PDZD2: variants seen among roughly 807,000 people sequenced by gnomAD.
PDZD2 encodes PDZ domain-containing protein 2.
Under a neutral mutation model 220.7 loss-of-function variants are expected in PDZD2, and 90 were observed. The ratio of observed to expected loss-of-function variants is 0.41; its 90% CI spans 0.34 to 0.49. PDZD2 has a LOEUF of 0.49. Ranked by LOEUF, PDZD2 falls within the 20% of genes least tolerant of loss-of-function variation. The probability of loss-of-function intolerance (pLI) is 0.28; values close to 1 mark genes in which losing one functional copy is unlikely to be tolerated. For synonymous variants in PDZD2, 1,375 were observed against 1,450.5 expected, an observed-to-expected ratio of 0.95 and a Z score of 1.18; for missense variants, 3,174 against 3,608.5, an observed-to-expected ratio of 0.88 and a Z score of 3.08.
chr5:31,980,952 A>C (rs1750246870), intron 2 of PDZD2, among the ~76,000 whole-genome samples: 1 of 152,102 alleles, frequency 6.6e-6, no homozygotes, highest in Admixed American at 6.6e-5. Flanking sequence ...CCTGTGGTTA[A>C]CTTTTGTATT....
intron 2 of PDZD2, among the ~76,000 whole-genome samples, chr5:31,918,972 C>T (rs1743925342): frequency 1.3e-5 from 2 of 152,218 alleles, no homozygotes; most frequent in African/African-American, 2.4e-5. Flanking sequence ...TCTTTCACCA[C>T]GGCTGTGCAC....
At chr5:31,906,557 T>C (rs1056199002) in intron 2 of PDZD2, among the ~76,000 whole-genome samples, 3 of 152,028 alleles carry the variant, frequency 2.0e-5, no homozygotes, top group Non-Finnish European at 4.4e-5. Flanking sequence ...AAGAGACTAT[T>C]TATAGCCGGG....
chr5:31,942,848 T>C (rs1442278926), intron 2 of PDZD2, among the ~76,000 whole-genome samples: 1 of 152,148 alleles, frequency 6.6e-6, no homozygotes, highest in Non-Finnish European at 1.5e-5. Context: ...GCACTTGGGT[T>C]GATGTGAGGG....
chr5:31,926,226 A>C (rs1283558025), intron 2 of PDZD2, among the ~76,000 whole-genome samples: 7 of 151,684 alleles, frequency 4.6e-5, no homozygotes, highest in African/African-American at 1.5e-4. Flanking sequence ...TCACTTAAAA[A>C]AAAAAAAAAA....
chr5:31,702,936 T>C (rs770145967), intron 1 of PDZD2, among the ~76,000 whole-genome samples: 30 of 152,228 alleles, frequency 2.0e-4, no homozygotes, highest in Admixed American at 3.9e-4. Flanking sequence ...ATGAATTCCA[T>C]CTTCAGTCTG....
chr5:32,061,033 G>C lies in PDZD2; in HGVS notation c.2350G>C (p.Val784Leu), dbSNP rs777929856. 2 of 1,614,160 alleles carry C rather than the reference G, an allele frequency of 1.2e-6. No homozygotes were observed. Among genetic ancestry groups the C allele is most frequent in the Non-Finnish European group, 1.7e-6 (2 of 1,179,992 alleles). ...GGATCAAATCCTGGAAGTGAACTCC[G>C]TCAACGTCCGCCATGCTGCTTTAAG... ...RGDQILEVNS[V>L]NVRHAALSKV... Residue 784 changes from valine (V) to leucine (L), a missense_variant, in exon 14 of 25, where the codon GTC becomes CTC. This residue lies in a region of PDZD2 where 1,861 missense variants were observed against 2,001.0 expected (regional missense o/e 0.93). Transcript: ENST00000438447.
At chr5:31,733,060 A>C (rs1749631454) in intron 1 of PDZD2, among the ~76,000 whole-genome samples, 1 of 152,134 alleles carries the variant, frequency 6.6e-6, no homozygotes, top group African/African-American at 2.4e-5. Flanking sequence ...CTTTTTATTG[A>C]ATTATAATAT....
At chr5:31,715,187 C>G (rs545082855) in intron 1 of PDZD2, among the ~76,000 whole-genome samples, 1 of 152,100 alleles carries the variant, frequency 6.6e-6, no homozygotes, top group Non-Finnish European at 1.5e-5. Flanking sequence ...TATCTGATTT[C>G]TGTCTGTTCC....
intron 21 of PDZD2, among the ~76,000 whole-genome samples, chr5:32,093,654 G>GT (rs1352855130): frequency 3.3e-5 from 5 of 152,122 alleles, no homozygotes; most frequent in Non-Finnish European, 4.4e-5. Context: ...TTACAACAAC[G>GT]TAAGTTAGAG....
At chr5:31,870,049 T>A (rs1738639581) in intron 2 of PDZD2, among the ~76,000 whole-genome samples, 1 of 152,184 alleles carries the variant, frequency 6.6e-6, no homozygotes, top group African/African-American at 2.4e-5. Context: ...CCAGCTGACC[T>A]CATCATGTTG....
At chr5:32,055,670 G>C (rs897128905) in intron 10 of PDZD2, among the ~76,000 whole-genome samples, 5 of 152,112 alleles carry the variant, frequency 3.3e-5, no homozygotes, top group Admixed American at 6.6e-5. Flanking sequence ...TGTTATACGG[G>C]TTCTTTTTTT....
chr5:31,655,953 T>C (rs894991246), intron 1 of PDZD2, among the ~76,000 whole-genome samples: 1 of 152,252 alleles, frequency 6.6e-6, no homozygotes, highest in Non-Finnish European at 1.5e-5. Flanking sequence ...TTGTGTGTGA[T>C]AGCATATTAG....
intron 2 of PDZD2, among the ~76,000 whole-genome samples, chr5:31,965,473 G>C (rs1180961842): frequency 6.6e-6 from 1 of 152,228 alleles, no homozygotes; most frequent in Non-Finnish European, 1.5e-5. Flanking sequence ...GCAAGGGCAA[G>C]AAGACAACAG....
intron 2 of PDZD2, chr5:31,840,654 T>C: frequency 1.4e-6 from 1 of 727,490 alleles, no homozygotes; most frequent in Non-Finnish European, 2.5e-6. Flanking sequence ...CCTCACGCGT[T>C]TCAGGAAGCT....
chr5:32,069,860 G>C (rs1740594912), intron 15 of PDZD2, among the ~76,000 whole-genome samples: 1 of 152,182 alleles, frequency 6.6e-6, no homozygotes. Context: ...AATCATGCAT[G>C]CTTCTTATAG....
At chr5:31,785,835 A>G (rs1580752073) in intron 1 of PDZD2, among the ~76,000 whole-genome samples, 1 of 152,032 alleles carries the variant, frequency 6.6e-6, no homozygotes, top group East Asian at 1.9e-4. Flanking sequence ...CCTCGCCCCA[A>G]GGTTCGGTGG....
intron 1 of PDZD2, among the ~76,000 whole-genome samples, chr5:31,684,193 A>T (rs540407380): frequency 2.6e-5 from 4 of 152,314 alleles, no homozygotes; most frequent in Non-Finnish European, 2.9e-5. Context: ...GCCTACTGAC[A>T]GTCCTACTTG....
At chr5:31,814,529 G>A (rs995354215) in intron 2 of PDZD2, among the ~76,000 whole-genome samples, 1 of 152,126 alleles carries the variant, frequency 6.6e-6, no homozygotes, top group African/African-American at 2.4e-5. Flanking sequence ...ATTATCTAAA[G>A]ACATGGAATT....
At chr5:31,876,873 C>A (rs1312677095) in intron 2 of PDZD2, among the ~76,000 whole-genome samples, 1 of 152,198 alleles carries the variant, frequency 6.6e-6, no homozygotes, top group African/African-American at 2.4e-5. Flanking sequence ...GCCTCAAATT[C>A]ACTCCTTAAA....
Sources: gnomAD v4.1 joint callset for allele counts (sites outside exome capture counted in the v4.1 genomes callset) on GRCh38, gnomAD v4.1.1 for gene constraint, gnomAD v4.1.1 regional missense constraint, MANE v1.5 for transcripts, NCBI Gene and HGNC (gene_info 2026-07-23, HGNC 2026-07-21) for gene names.